DHRS7C: variants seen among roughly 807,000 people sequenced by gnomAD.
DHRS7C encodes dehydrogenase/reductase SDR family member 7C.
In DHRS7C, 28 loss-of-function variants were observed where a neutral mutation model predicts 29.6. That is an observed-to-expected ratio of 0.95 (90% CI 0.70 to 1.30). The LOEUF (loss-of-function observed/expected upper bound fraction) is 1.30, where lower values mean the gene tolerates loss of function less well. Among genes scored for constraint, DHRS7C ranks in the 50% most tolerant of loss-of-function variants. The pLI, the probability that DHRS7C is intolerant of heterozygous loss-of-function variation, is 0.00. For missense variants in DHRS7C, 403 were observed against 393.3 expected (o/e 1.02, Z -0.21); for synonymous variants, 158 against 160.2 (o/e 0.99, Z 0.10).
Position 9,781,492 on chromosome 17 carries a change from T to A in DHRS7C, c.257A>T (p.Asp86Val). The A allele has an allele frequency of 6.2e-7, 1 of 1,613,904 alleles. No homozygotes were observed. Among genetic ancestry groups the A allele is most frequent in the South Asian group, 1.1e-5 (1 of 91,080 alleles). The change falls in exon 2 of 6, where the codon GAC becomes GTC. Residue 86 changes from aspartate (D) to valine (V), a missense_variant. By Grantham distance (152) the Asp-to-Val change is radical. Coordinates refer to ENST00000571134, the MANE Select transcript of DHRS7C (RefSeq NM_001105571.3). Reference sequence around the variant, plus strand: ...GCTAGAAGACCTTACCTTGCTGGGGTCAGCCACGCTGATCAAGGCATCATA... The same window carrying A: ...GCTAGAAGACCTTACCTTGCTGGGGACAGCCACGCTGATCAAGGCATCATA... ...NLYDALISVADPSKTFTPKLV... is the reference protein window; with the variant it reads ...NLYDALISVAVPSKTFTPKLV...
rs1404925775 is a variant in DHRS7C at position 9,775,323 on chromosome 17, C to G, written c.571+1870G>C. 6.6e-6 allele frequency among the ~76,000 whole-genome samples: 1 copy of G among 152,238 alleles called. No individual in the cohort carries two copies. Among genetic ancestry groups the G allele is most frequent in the Non-Finnish European group, 1.5e-5 (1 of 68,044 alleles). ...CTGTATGTGGCCCATTCACTCTGCC[C>G]TTCTTCCTGGGCCCCCAGGTGGACT... On this transcript the variant is annotated intron_variant, in intron 4 of 5. Transcript: ENST00000571134. This position sits in a 1 kb window ranked among gnomAD's most constrained non-coding sequence, Gnocchi z 4.2.
chr17:9,782,602 C>T (rs978960733), intron 1 of DHRS7C, among the ~76,000 whole-genome samples: 1 of 152,172 alleles, frequency 6.6e-6, no homozygotes, highest in South Asian at 2.1e-4. Flanking sequence ...GGTAGGGCAG[C>T]GTCCACTGGC....
chr17:9,774,920 C>T lies in DHRS7C; in HGVS notation c.572-1998G>A, dbSNP rs1385391408. Among the ~76,000 whole-genome samples, 5 of 152,120 alleles carry T rather than the reference C, an allele frequency of 3.3e-5. No individual in the cohort carries two copies. Among genetic ancestry groups the T allele is most frequent in the African/African-American group, 1.2e-4 (5 of 41,422 alleles). ...TGACATTTACATGGGAAACTCTGTG[C>T]CCCTCAATTCCTCAGCTTCAGAGAA... On this transcript the variant is annotated intron_variant, in intron 4 of 5. Coordinates refer to ENST00000571134, the MANE Select transcript of DHRS7C (RefSeq NM_001105571.3). The surrounding 1 kb of genome is among the most constrained non-coding windows in gnomAD (Gnocchi z 5.0).
At chr17:9,785,673 T>C (rs1001586364) in intron 1 of DHRS7C, among the ~76,000 whole-genome samples, 8 of 152,124 alleles carry the variant, frequency 5.3e-5, no homozygotes, top group Non-Finnish European at 1.0e-4. Flanking sequence ...TGAATAATCC[T>C]AGGGAGGCCT....
chr17:9,784,749 C>T (rs1192845956), intron 1 of DHRS7C, among the ~76,000 whole-genome samples: 1 of 152,058 alleles, frequency 6.6e-6, no homozygotes. Flanking sequence ...TAAATGCAAA[C>T]TAAAACATGG....
rs186979624 is a variant in DHRS7C, at chr17:9,775,818, G to A, written c.571+1375C>T. 5.3e-5 allele frequency among the ~76,000 whole-genome samples: 8 copies of A among 152,244 alleles called. No individual in the cohort carries two copies. In the East Asian group the frequency reaches 5.8e-4, roughly 11 times the overall value. The stretch of plus-strand genomic sequence containing the variant: ...CAATACCCAGTACTCAGAATGTGAC[G>A]GTATTTAGAGATATTTAAAGAGGTG... On this transcript the variant is annotated intron_variant, in intron 4 of 5. Coordinates refer to ENST00000571134, the MANE Select transcript of DHRS7C (RefSeq NM_001105571.3). The surrounding 1 kb of genome is among the most constrained non-coding windows in gnomAD (Gnocchi z 4.2).
In DHRS7C at chr17:9,774,450, A is replaced by G. The variant is rs1453371122; in HGVS notation, c.572-1528T>C. On this transcript the variant is annotated intron_variant, in intron 4 of 5. Coordinates refer to ENST00000571134, the MANE Select transcript of DHRS7C (RefSeq NM_001105571.3). This position sits in a 1 kb window ranked among gnomAD's most constrained non-coding sequence, Gnocchi z 5.0. ...TGGGTACACACCATCATGCCTGGCT[A>G]ATTTTTGTATTTTTAGTAGAGATGG... Among the ~76,000 whole-genome samples, 6 of 151,812 alleles carry G rather than the reference A, an allele frequency of 4.0e-5. No homozygotes were observed. The highest frequency in any genetic ancestry group is 7.4e-5 in the Non-Finnish European group (5 of 67,958).
chr17:9,778,737 A>G (rs186236518), intron 3 of DHRS7C, among the ~76,000 whole-genome samples: 1 of 152,322 alleles, frequency 6.6e-6, no homozygotes, highest in Admixed American at 6.5e-5. Context: ...AGTACTCAGA[A>G]TCCTATTGTT....
chr17:9,776,933 T>C (rs1467715778), intron 4 of DHRS7C, among the ~76,000 whole-genome samples: 4 of 152,202 alleles, frequency 2.6e-5, no homozygotes, highest in Non-Finnish European at 5.9e-5. Context: ...ACCTAGTGCA[T>C]GTCCTGCCCC....
chr17:9,781,652 GA>G, intron 1 of DHRS7C, 58 bp from the exon 2 acceptor site: 1 of 1,545,680 alleles, frequency 6.5e-7, no homozygotes, highest in Non-Finnish European at 8.9e-7. Context: ...CACTGACAGT[GA>G]ACCCCCTCTC....
At position 9,774,634 on chromosome 17, in the gene DHRS7C, GAC is replaced by G. The variant is rs1479520819; in HGVS notation, c.572-1714_572-1713del. ...AGAGATGTGTGCCTGCAGCAGGAGGGACACATGGCAGGCTGCCTTCCCTTTCA... is the reference window on the plus strand; with the variant it reads ...AGAGATGTGTGCCTGCAGCAGGAGGGACATGGCAGGCTGCCTTCCCTTTCA... On this transcript the variant is annotated intron_variant, in intron 4 of 5. Transcript: ENST00000571134. The surrounding 1 kb of genome is among the most constrained non-coding windows in gnomAD (Gnocchi z 5.0). 6.6e-6 allele frequency among the ~76,000 whole-genome samples: 1 copy of G among 152,170 alleles called. No individual in the cohort carries two copies. Among genetic ancestry groups the G allele is most frequent in the Non-Finnish European group, 1.5e-5 (1 of 68,024 alleles).
At chr17:9,779,479 A>C (rs2066381314) in intron 3 of DHRS7C, among the ~76,000 whole-genome samples, 1 of 152,196 alleles carries the variant, frequency 6.6e-6, no homozygotes. Context: ...CAGAATGTAC[A>C]TGATTGTTGA....
intron 1 of DHRS7C, among the ~76,000 whole-genome samples, chr17:9,786,252 G>A (rs1403008261): frequency 3.3e-5 from 5 of 151,488 alleles, no homozygotes; most frequent in Admixed American, 1.3e-4. Flanking sequence ...GCTTGAACCC[G>A]GGAGGCTGAG....
rs2066452871 is a variant in DHRS7C, at chr17:9,791,182, C to T, written c.103G>A (p.Val35Met). 1 of 1,613,788 alleles carries T rather than the reference C, an allele frequency of 6.2e-7. No individual in the cohort carries two copies. The highest frequency in any genetic ancestry group is 8.5e-7 in the Non-Finnish European group (1 of 1,179,812). Residue 35 changes from valine to methionine, a missense_variant, in exon 1 of 6, where the codon GTG (valine) becomes ATG (methionine). Transcript: ENST00000571134. ...EVSRLWSKSA[V>M]QNKVVVITDA... ...GTGATCACCACCACTTTGTTCTGCA[C>T]AGCTGACTTTGACCACAGCCTGGAC...
At chr17:9,778,389 C>T (rs1272411165) in intron 3 of DHRS7C, among the ~76,000 whole-genome samples, 1 of 139,266 alleles carries the variant, frequency 7.2e-6, no homozygotes, top group African/African-American at 2.7e-5. Flanking sequence ...GGCGAGACTC[C>T]GTCTCAAAAA....
chr17:9,773,933 G>A (rs1447028873), intron 4 of DHRS7C, among the ~76,000 whole-genome samples: 1 of 151,994 alleles, frequency 6.6e-6, no homozygotes, highest in Non-Finnish European at 1.5e-5. Flanking sequence ...ATGTTGGCCA[G>A]GCTGGTCTTG....
Position 9,781,543 on chromosome 17 carries a change from T to C in DHRS7C, c.206A>G (p.Lys69Arg). ...TGGARLVLCG[K>R]NWERLENLYD... ...TAGGTTCTCTAGCCTCTCCCAGTTC[T>C]TTCCACACAGCACCAGCCTTGCCCC... is the stretch of plus-strand genomic sequence containing the variant. Residue 69 changes from lysine (K) to arginine (R), a missense_variant, in exon 2 of 6, where the codon AAG becomes AGG. Physicochemically the swap from Lys to Arg is conservative, Grantham distance 26. Coordinates refer to ENST00000571134, the MANE Select transcript of DHRS7C (RefSeq NM_001105571.3). 1 of 1,614,040 alleles carries C rather than the reference T, an allele frequency of 6.2e-7. No homozygotes were observed. Among genetic ancestry groups the C allele is most frequent in the Non-Finnish European group, 8.5e-7 (1 of 1,179,894 alleles).
intron 3 of DHRS7C, among the ~76,000 whole-genome samples, chr17:9,778,726 TAGTACTC>T (rs1423009645): frequency 6.6e-5 from 10 of 152,168 alleles, no homozygotes; most frequent in African/African-American, 2.4e-4. Context: ...TCATCTGTCT[TAGTACTC>T]AGAATCCTAT....
chr17:9,780,005 G>C lies in DHRS7C; in HGVS notation c.298C>G (p.Leu100Val), dbSNP rs2066384715. ...TCTGGGACACAGCTGATGTCTGAGAGGTCCAACAGGACCAGCTTTGGGGTG... is the reference window on the plus strand; with the variant it reads ...TCTGGGACACAGCTGATGTCTGAGACGTCCAACAGGACCAGCTTTGGGGTG... ...TFTPKLVLLDLSDISCVPDVA... is the reference protein window; with the variant it reads ...TFTPKLVLLDVSDISCVPDVA... The change falls in exon 3 of 6, where the codon CTC (leucine) becomes GTC (valine). Residue 100 changes from leucine (L) to valine (V), a missense_variant. Leu to Val is a conservative substitution (Grantham distance 32). Transcript: ENST00000571134. 1 of 1,613,836 alleles carries C rather than the reference G, an allele frequency of 6.2e-7. No individual in the cohort carries two copies. The highest frequency in any genetic ancestry group is 8.5e-7 in the Non-Finnish European group (1 of 1,179,874).
Sources: gnomAD v4.1 joint callset for allele counts (sites outside exome capture counted in the v4.1 genomes callset) on GRCh38, gnomAD v4.1.1 for gene constraint, Gnocchi (gnomAD v3.1) non-coding constraint, MANE v1.5 for transcripts, NCBI Gene and HGNC (gene_info 2026-07-23, HGNC 2026-07-21) for gene names.